The following ESRP1 variants were observed in gnomAD, a reference collection of about 807,000 sequenced individuals.
ESRP1 encodes the protein epithelial splicing regulatory protein 1.
Under a neutral mutation model 81.7 loss-of-function variants are expected in ESRP1, and 33 were observed. That is an observed-to-expected ratio of 0.40 (90% CI 0.31 to 0.54). The LOEUF (loss-of-function observed/expected upper bound fraction) is 0.54. ESRP1 is among the 20% of genes least tolerant of loss of function. The pLI is 0.41. For synonymous variants in ESRP1, 320 were observed against 303.3 expected (o/e 1.06, Z -0.57); for missense variants, 672 against 833.1 (o/e 0.81, Z 2.38).
chr8:94,665,293 G>A, intron 9 of ESRP1, 97 bp downstream of exon 9: 1 of 1,204,148 alleles, frequency 8.3e-7, no homozygotes, highest in Admixed American at 2.2e-5. Flanking sequence ...GTCATGAATG[G>A]TTTTTATTTT....
intron 2 of ESRP1, among the ~76,000 whole-genome samples, chr8:94,642,365 A>G (rs986475604): frequency 4.6e-5 from 7 of 152,162 alleles, no homozygotes; most frequent in Non-Finnish European, 4.4e-5. Context: ...CCATTTTGCC[A>G]ATTGATTGAC....
chr8:94,675,453 G>T (rs1234218338), intron 12 of ESRP1, among the ~76,000 whole-genome samples: 1 of 152,118 alleles, frequency 6.6e-6, no homozygotes, highest in Non-Finnish European at 1.5e-5. Context: ...ATTCAGTGGG[G>T]CTTAATCCTT....
chr8:94,706,101 G>A lies in ESRP1; in HGVS notation c.*212G>A, dbSNP rs1237421546. On this transcript the variant is annotated 3_prime_UTR_variant, in exon 16 of 16. Transcript: ENST00000433389. ...AAATTTGAGCTAGTGAAGCCAAATC[G>A]TAACTTACAGCAAGCAGCATGCAGC... 5 of 645,554 alleles carry A rather than the reference G, an allele frequency of 7.7e-6. No homozygotes were observed. Among genetic ancestry groups the A allele is most frequent in the East Asian group, 2.8e-5 (1 of 35,474 alleles). The allele number at this position is 645,554 out of a possible 1,614,324, so 40.0% of individuals were successfully genotyped here.
At chr8:94,700,745 C>T (rs1466599191) in intron 15 of ESRP1, among the ~76,000 whole-genome samples, 10 of 151,574 alleles carry the variant, frequency 6.6e-5, no homozygotes, top group African/African-American at 1.7e-4. Context: ...CTGGCTAACA[C>T]GGTGAAACCC....
chr8:94,641,696 C>A (rs1817599431), intron 1 of ESRP1: 1 of 739,534 alleles, frequency 1.4e-6, no homozygotes, highest in Non-Finnish European at 2.1e-6. Flanking sequence ...GGGTTCTTTG[C>A]CCGTCGGGGG....
In ESRP1 at chr8:94,650,250, TTTTG is replaced by T. The variant is rs796092668; in HGVS notation, c.490+3976_490+3979del. On this transcript the variant is annotated intron_variant, in intron 4 of 15. Coordinates refer to ENST00000433389, the MANE Select transcript of ESRP1 (RefSeq NM_017697.4). ...GTAGCAATAGCATAGTATAGAATTT[TTTTG>T]TTTGTTTTGTTTTTTTTTACCTGCT... Among the ~76,000 whole-genome samples, 564 of 67,250 alleles carry T rather than the reference TTTTG, an allele frequency of 8.4e-3. 4 individuals are homozygous for T. The highest frequency in any genetic ancestry group is 0.018 in the African/African-American group (542 of 30,094). 44.1% of individuals were successfully genotyped at this position (67,250 alleles called of 152,430 possible). A position where few individuals can be genotyped will look rare whatever the true frequency, so the allele number is the denominator to read the frequency against.
Position 94,671,655 on chromosome 8 carries a change from TG to T in ESRP1, c.1438del (p.Val480PhefsTer2). On this transcript the variant is annotated frameshift_variant, in exon 11 of 16. Coordinates refer to ENST00000433389, the MANE Select transcript of ESRP1 (RefSeq NM_017697.4). LOFTEE classifies it high-confidence loss of function. ...ATDIRTHGVH[M>X]VLNHQGRPSG... ...GATATTCGTACTCATGGGGTTCACA[TG>T]GTTTTGAATCACCAGGTAAGAAAGA... is the stretch of plus-strand genomic sequence containing the variant. The T allele has an allele frequency of 6.2e-7, 1 of 1,613,800 alleles. No homozygotes were observed. The highest frequency in any genetic ancestry group is 8.5e-7 in the Non-Finnish European group (1 of 1,179,776).
At chr8:94,676,132 A>T (rs190415607) in intron 12 of ESRP1, among the ~76,000 whole-genome samples, 2 of 152,200 alleles carry the variant, frequency 1.3e-5, no homozygotes, top group East Asian at 3.9e-4. Context: ...CCAGCACTTT[A>T]GGAGGCTGAG....
intron 4 of ESRP1, chr8:94,649,388 G>A (rs1563518095): frequency 6.6e-6 from 1 of 152,044 alleles, no homozygotes; most frequent in African/African-American, 2.4e-5. Flanking sequence ...TTTTTGAGAT[G>A]TAGTCGTGCT....
At chr8:94,668,383 T>C in intron 10 of ESRP1, 133 bp downstream of exon 10, 1 of 854,818 alleles carries the variant, frequency 1.2e-6, no homozygotes. Flanking sequence ...ATGAAAATAG[T>C]CTTGATTCTA....
At chr8:94,696,686 G>A (rs577584201) in intron 14 of ESRP1, among the ~76,000 whole-genome samples, 166 bp from the exon 15 acceptor site, 14 of 152,198 alleles carry the variant, frequency 9.2e-5, no homozygotes, top group Middle Eastern at 3.4e-3. Context: ...AACATGTTAA[G>A]AAATAAAGAT....
intron 13 of ESRP1, among the ~76,000 whole-genome samples, chr8:94,691,419 A>G (rs1354867970): frequency 6.6e-6 from 1 of 152,228 alleles, no homozygotes; most frequent in Non-Finnish European, 1.5e-5. Flanking sequence ...ATGATGAAAT[A>G]TGATGGTGAC....
chr8:94,686,484 A>G (rs1809145867), intron 13 of ESRP1, among the ~76,000 whole-genome samples: 1 of 152,050 alleles, frequency 6.6e-6, no homozygotes, highest in Non-Finnish European at 1.5e-5. Flanking sequence ...TTCCTCTCAC[A>G]TCCCTTCAGC....
intron 13 of ESRP1, among the ~76,000 whole-genome samples, chr8:94,692,050 G>T (rs1809422501): frequency 6.6e-6 from 1 of 152,102 alleles, no homozygotes; most frequent in South Asian, 2.1e-4. Context: ...TATACCGGAA[G>T]ACCCACTCAT....
chr8:94,647,224 A>C (rs1362504043), intron 4 of ESRP1, among the ~76,000 whole-genome samples: 2 of 152,106 alleles, frequency 1.3e-5, no homozygotes, highest in Non-Finnish European at 2.9e-5. Context: ...TTCTTCTTGG[A>C]GTCAGTTAGC....
At position 94,668,302 on chromosome 8, in the gene ESRP1, A is replaced by C. The variant is rs748731871; in HGVS notation, c.1233+52A>C. On this transcript the variant is annotated intron_variant, in intron 10 of 15. Transcript: ENST00000433389. Reference sequence around the variant, plus strand: ...ACCTTTGCATTAATTTCTGTTCTTTATCTCTGAAAATAGTCCTACATTGCT... The same window carrying C: ...ACCTTTGCATTAATTTCTGTTCTTTCTCTCTGAAAATAGTCCTACATTGCT... 6.8e-6 allele frequency: 10 copies of C among 1,464,510 alleles called. No homozygotes were observed. In the African/African-American group the frequency reaches 1.4e-4, roughly 21 times the overall value. The allele number at this position is 1,464,510 out of a possible 1,614,324, so 90.7% of individuals were successfully genotyped here.
intron 13 of ESRP1, among the ~76,000 whole-genome samples, chr8:94,689,277 A>C (rs530568198): frequency 6.7e-6 from 1 of 148,674 alleles, no homozygotes; most frequent in Non-Finnish European, 1.5e-5. Flanking sequence ...AAAAAAAATC[A>C]TATTTATGAA....
intron 4 of ESRP1, among the ~76,000 whole-genome samples, chr8:94,656,985 T>C (rs969051870): frequency 6.6e-6 from 1 of 152,266 alleles, no homozygotes; most frequent in African/African-American, 2.4e-5. Context: ...CTCTGAATTA[T>C]ATCCTCAGCT....
intron 4 of ESRP1, 77 bp downstream of exon 4, chr8:94,646,359 T>C: frequency 9.7e-7 from 1 of 1,025,730 alleles, no homozygotes; most frequent in Non-Finnish European, 1.4e-6. Flanking sequence ...CTTTCAAACA[T>C]TTTAAATTTT....
Sources: gnomAD v4.1 joint callset for allele counts (sites outside exome capture counted in the v4.1 genomes callset) on GRCh38, gnomAD v4.1.1 for gene constraint, MANE v1.5 for transcripts, NCBI Gene and HGNC (gene_info 2026-07-23, HGNC 2026-07-21) for gene names.